MMP2: variants seen among roughly 807,000 people sequenced by gnomAD.
The protein encoded by MMP2 is 72 kDa type IV collagenase.
A neutral mutation model predicts 74.8 loss-of-function variants in MMP2; 39 were observed. The ratio of observed to expected loss-of-function variants is 0.52; its 90% CI spans 0.40 to 0.68. The LOEUF (loss-of-function observed/expected upper bound fraction) is 0.68. Among genes scored for constraint, MMP2 ranks in the 30% least tolerant of loss-of-function variants. MMP2 has a pLI of 0.00. For synonymous variants in MMP2, 367 were observed against 339.8 expected (o/e 1.08, Z -0.88); for missense variants, 803 against 878.3 (o/e 0.91, Z 1.08).
chr16:55,503,852 C>A (rs186685774), intron 12 of MMP2, among the ~76,000 whole-genome samples: 1 of 152,030 alleles, frequency 6.6e-6, no homozygotes, highest in African/African-American at 2.4e-5. Context: ...TAATTATTGG[C>A]GGGCAAGATT....
chr16:55,497,143 C>T, intron 10 of MMP2, 81 bp downstream of exon 10: 3 of 1,583,400 alleles, frequency 1.9e-6, no homozygotes, highest in Admixed American at 3.3e-5. Context: ...GGCTCACTCC[C>T]CCTCTCAAAC....
intron 11 of MMP2, among the ~76,000 whole-genome samples, chr16:55,501,947 A>G (rs1162037940): frequency 6.6e-6 from 1 of 152,244 alleles, no homozygotes; most frequent in Non-Finnish European, 1.5e-5. Context: ...AGGAATCAAC[A>G]TGACAGCAGC....
chr16:55,481,831 A>T (rs1459372692), intron 1 of MMP2: 1 of 757,060 alleles, frequency 1.3e-6, no homozygotes, highest in Middle Eastern at 2.3e-4. Flanking sequence ...GAAATTTCCT[A>T]TCTCAGGGTT....
chr16:55,481,017 G>T (rs1962085952), intron 1 of MMP2, among the ~76,000 whole-genome samples: 1 of 152,090 alleles, frequency 6.6e-6, no homozygotes, highest in Non-Finnish European at 1.5e-5. Flanking sequence ...CCTAAATTGG[G>T]GTTCAGCCTG....
chr16:55,482,859 TG>T (rs1160669591), intron 1 of MMP2, 49 bp from the exon 2 acceptor site: 1 of 1,512,824 alleles, frequency 6.6e-7, no homozygotes, highest in Admixed American at 1.7e-5. Context: ...TGGTCAGTAC[TG>T]TGCCATCCTA....
intron 6 of MMP2, among the ~76,000 whole-genome samples, chr16:55,489,408 C>T (rs1464664479): frequency 6.6e-6 from 1 of 151,900 alleles, no homozygotes; most frequent in Non-Finnish European, 1.5e-5. Context: ...TACTTCCTAG[C>T]AGTGTTGGCT....
chr16:55,493,443 C>T (rs1023102358), intron 9 of MMP2, 150 bp downstream of exon 9: 1 of 1,110,446 alleles, frequency 9.0e-7, no homozygotes, highest in Admixed American at 1.7e-5. Context: ...ATCAAACAAC[C>T]TCCAGGTTTC....
At chr16:55,484,908 T>C (rs575588601) in intron 3 of MMP2, among the ~76,000 whole-genome samples, 2 of 152,220 alleles carry the variant, frequency 1.3e-5, no homozygotes, top group East Asian at 3.9e-4. Flanking sequence ...TAGTGTGACA[T>C]GAAGGCAGGA....
chr16:55,495,828 A>T (rs1962517115), intron 9 of MMP2, among the ~76,000 whole-genome samples: 1 of 152,154 alleles, frequency 6.6e-6, no homozygotes, highest in Admixed American at 6.5e-5. Context: ...CACTTACTTC[A>T]TCCTAAGGCC....
chr16:55,493,012 T>C (rs1428427129), intron 8 of MMP2, 146 bp from the exon 9 acceptor site: 4 of 949,368 alleles, frequency 4.2e-6, no homozygotes, highest in Non-Finnish European at 6.5e-6. Context: ...TCCAGGCATC[T>C]TCTTGTTACC....
At chr16:55,495,464 G>A (rs566362680) in intron 9 of MMP2, among the ~76,000 whole-genome samples, 1 of 152,348 alleles carries the variant, frequency 6.6e-6, no homozygotes, top group South Asian at 2.1e-4. Context: ...CTAGGCACTG[G>A]TGAGGGTGGG....
At chr16:55,494,990 A>G (rs1251504503) in intron 9 of MMP2, among the ~76,000 whole-genome samples, 1 of 152,238 alleles carries the variant, frequency 6.6e-6, no homozygotes, top group East Asian at 1.9e-4. Context: ...AGGCTAGAAG[A>G]TGTTCCATAA....
At chr16:55,500,494 TACACACACACACACACAC>T (rs55996787) in intron 11 of MMP2, among the ~76,000 whole-genome samples, 5,633 of 136,270 alleles carry the variant, frequency 0.041, 152 homozygotes, top group East Asian at 0.11. Flanking sequence ...CATGTGCGCA[TACACACACACACACACAC>T]ACACACACAC....
At chr16:55,498,770 T>A (rs778834977) in intron 11 of MMP2, among the ~76,000 whole-genome samples, 4 of 152,248 alleles carry the variant, frequency 2.6e-5, no homozygotes, top group Non-Finnish European at 5.9e-5. Context: ...AGATAATAAC[T>A]GCTCCTATTG....
At chr16:55,487,217 C>G (rs1962281047) in intron 5 of MMP2, 1 of 152,152 alleles carries the variant, frequency 6.6e-6, no homozygotes, top group Admixed American at 6.5e-5. Flanking sequence ...TAGCCAGATG[C>G]AAGTACGCAC....
chr16:55,502,635 A>G lies in MMP2; in HGVS notation c.1770-144A>G, dbSNP rs17859999. 901 of 713,810 alleles carry G rather than the reference A, an allele frequency of 1.3e-3. 5 individuals carry two copies. In the African/African-American group the frequency reaches 0.014, roughly 11 times the overall value. 44.2% of individuals were successfully genotyped at this position (713,810 alleles called of 1,614,324 possible). ...GGTCTGATTCCATGCCCTTCCTTCCACTGCAGCTGGCTGCTTCCCTGAAGG... is the reference window on the plus strand; with the variant it reads ...GGTCTGATTCCATGCCCTTCCTTCCGCTGCAGCTGGCTGCTTCCCTGAAGG... On this transcript the variant is annotated intron_variant, in intron 11 of 12. Coordinates refer to ENST00000219070, the MANE Select transcript of MMP2 (RefSeq NM_004530.6).
At chr16:55,504,049 T>C (rs1962735326) in intron 12 of MMP2, among the ~76,000 whole-genome samples, 1 of 152,054 alleles carries the variant, frequency 6.6e-6, no homozygotes, top group African/African-American at 2.4e-5. Flanking sequence ...TCCCAGCTAC[T>C]GGGGAGGGTG....
In MMP2 at chr16:55,488,301, C is replaced by T. The variant is rs1408234338; in HGVS notation, c.833-242C>T. 28 of 555,388 alleles carry T rather than the reference C, an allele frequency of 5.0e-5. No individual in the cohort carries two copies. The East Asian group carries it at 8.8e-4, about 17-fold the overall frequency. The allele number at this position is 555,388 out of a possible 1,614,324, so 34.4% of individuals were successfully genotyped here. On this transcript the variant is annotated intron_variant, in intron 5 of 12. Coordinates refer to ENST00000219070, the MANE Select transcript of MMP2 (RefSeq NM_004530.6). The stretch of plus-strand genomic sequence containing the variant: ...GAAGCCCTTGCTGTGTGCCAGGTGT[C>T]AATCATTTTGTTGTTGGGTGGTCCA...
intron 8 of MMP2, among the ~76,000 whole-genome samples, chr16:55,492,267 C>T (rs887088557): frequency 6.6e-6 from 1 of 151,958 alleles, no homozygotes; most frequent in Non-Finnish European, 1.5e-5. Flanking sequence ...TTTGAGCAAC[C>T]CAGTGGAGTT....
Sources: allele counts gnomAD v4.1 joint callset (sites outside exome capture counted in the v4.1 genomes callset), GRCh38; gene constraint gnomAD v4.1.1; transcripts MANE v1.5; gene names NCBI Gene and HGNC (gene_info 2026-07-23, HGNC 2026-07-21).